GALNT13: variants seen among roughly 807,000 people sequenced by gnomAD.
GALNT13 encodes polypeptide N-acetylgalactosaminyltransferase 13, also known as UDP-GalNAc:polypeptide N-acetylgalactosaminyltransferase 13.
A neutral mutation model predicts 64.2 loss-of-function variants in GALNT13; 28 were observed. That is an observed-to-expected ratio of 0.44 (90% confidence interval 0.32 to 0.60). The LOEUF (loss-of-function observed/expected upper bound fraction) is 0.60, where lower values mean the gene tolerates loss of function less well. GALNT13 is among the 20% of genes least tolerant of loss of function. The pLI is 0.05. For synonymous variants in GALNT13, 214 were observed against 224.6 expected (o/e 0.95, Z 0.42); for missense variants, 577 against 669.8 (o/e 0.86, Z 1.53).
chr2:153,838,484 C>A, the GALNT13 span, among the ~76,000 whole-genome samples: 2 of 151,630 alleles, frequency 1.3e-5, no homozygotes, highest in Non-Finnish European at 3.0e-5. Flanking sequence ...TTGGGTATAT[C>A]CAGTTTTCCC....
At chr2:153,265,143 G>A in the GALNT13 span, among the ~76,000 whole-genome samples, 2 of 152,256 alleles carry the variant, frequency 1.3e-5, no homozygotes, top group East Asian at 3.9e-4. Flanking sequence ...TGAGGTTGGG[G>A]AAGGGGTGAT....
the GALNT13 span, among the ~76,000 whole-genome samples, chr2:153,490,246 T>C: frequency 6.6e-6 from 1 of 152,196 alleles, no homozygotes; most frequent in African/African-American, 2.4e-5. Flanking sequence ...TACTGGAAAA[T>C]TTTTTAAAAA....
chr2:154,332,693 G>A (rs921900099), intron 9 of GALNT13, among the ~76,000 whole-genome samples: 2 of 151,978 alleles, frequency 1.3e-5, no homozygotes, highest in African/African-American at 4.8e-5. Context: ...TTACAAACTT[G>A]CCAGTAGCTG....
intron 4 of GALNT13, among the ~76,000 whole-genome samples, chr2:154,190,051 T>A (rs1236268031): frequency 6.6e-6 from 1 of 152,330 alleles, no homozygotes; most frequent in African/African-American, 2.4e-5. Flanking sequence ...TTCTTGTGTG[T>A]GTTTTTCGTT....
At chr2:153,630,984 C>T in the GALNT13 span, among the ~76,000 whole-genome samples, 13 of 150,852 alleles carry the variant, frequency 8.6e-5, no homozygotes, top group East Asian at 4.0e-4. Flanking sequence ...CAACAGGCCC[C>T]GGTGTGCGAT....
At chr2:154,259,508 G>C (rs1333557316) in intron 8 of GALNT13, among the ~76,000 whole-genome samples, 1 of 152,106 alleles carries the variant, frequency 6.6e-6, no homozygotes, top group Non-Finnish European at 1.5e-5. Flanking sequence ...TGCAACTACT[G>C]CCTCAGGTTG....
chr2:153,539,529 T>A, the GALNT13 span, among the ~76,000 whole-genome samples: 64 of 152,166 alleles, frequency 4.2e-4, no homozygotes, highest in African/African-American at 1.5e-3. Flanking sequence ...GTTTTAGGTC[T>A]AACGTTTAAG....
chr2:154,385,384 C>CCAGGAA (rs1476734923), intron 9 of GALNT13, among the ~76,000 whole-genome samples: 17 of 151,888 alleles, frequency 1.1e-4, no homozygotes, highest in Non-Finnish European at 2.1e-4. Context: ...TGATAATTAC[C>CCAGGAA]ATGTTCTGTA....
At chr2:154,286,512 C>A (rs1404526757) in intron 8 of GALNT13, 2 of 155,146 alleles carry the variant, frequency 1.3e-5, no homozygotes, top group Non-Finnish European at 2.8e-5. Context: ...GGAAAAGATA[C>A]CCCTAAGTAG....
chr2:153,613,299 A>G, the GALNT13 span, among the ~76,000 whole-genome samples: 69 of 152,316 alleles, frequency 4.5e-4, no homozygotes, highest in Non-Finnish European at 1.2e-4. Flanking sequence ...TTGGCCTAGT[A>G]TATCAACAGG....
intron 4 of GALNT13, among the ~76,000 whole-genome samples, chr2:154,198,517 A>G (rs549963656): frequency 6.6e-6 from 1 of 151,914 alleles, no homozygotes; most frequent in African/African-American, 2.4e-5. Context: ...TTTTCCCCTT[A>G]TGGATGTGAC....
the GALNT13 span, among the ~76,000 whole-genome samples, chr2:153,429,480 T>C: frequency 6.6e-6 from 1 of 152,154 alleles, no homozygotes. Flanking sequence ...GACTGGCATG[T>C]GTGAAACATT....
chr2:153,632,352 T>C, the GALNT13 span, among the ~76,000 whole-genome samples: 11 of 152,324 alleles, frequency 7.2e-5, no homozygotes, highest in South Asian at 2.1e-3. Context: ...GTTGATAAAC[T>C]AATATTGATA....
chr2:154,104,327 A>G (rs1036564491), intron 3 of GALNT13, among the ~76,000 whole-genome samples: 2 of 152,134 alleles, frequency 1.3e-5, no homozygotes, highest in Non-Finnish European at 2.9e-5. Flanking sequence ...CTCCGATGCA[A>G]GGACACTTCT....
intron 3 of GALNT13, among the ~76,000 whole-genome samples, chr2:153,990,248 A>G (rs1695075738): frequency 6.6e-6 from 1 of 152,138 alleles, no homozygotes; most frequent in Non-Finnish European, 1.5e-5. Context: ...TCAGGCAGCT[A>G]TCATTTTAAA....
chr2:153,069,554 A>G, the GALNT13 span, among the ~76,000 whole-genome samples: 1 of 152,202 alleles, frequency 6.6e-6, no homozygotes, highest in Non-Finnish European at 1.5e-5. Context: ...CAGGAAGAGC[A>G]GCATTATTTT....
chr2:153,489,522 C>T, the GALNT13 span, among the ~76,000 whole-genome samples: 1 of 152,088 alleles, frequency 6.6e-6, no homozygotes, highest in Non-Finnish European at 1.5e-5. Flanking sequence ...GTTGGTGGGG[C>T]ATGTTTATTT....
the GALNT13 span, among the ~76,000 whole-genome samples, chr2:153,582,710 A>G: frequency 4.5e-3 from 679 of 152,254 alleles, 1 homozygote; most frequent in Non-Finnish European, 7.4e-3. Flanking sequence ...TAATTCACCC[A>G]CTATTATTCA....
At chr2:154,065,559 A>C (rs1700416028) in intron 3 of GALNT13, among the ~76,000 whole-genome samples, 1 of 152,154 alleles carries the variant, frequency 6.6e-6, no homozygotes, top group African/African-American at 2.4e-5. Context: ...GGAAGAGAAC[A>C]AGCATCTCTG....
Sources: allele counts gnomAD v4.1 joint callset (sites outside exome capture counted in the v4.1 genomes callset), GRCh38; gene constraint gnomAD v4.1.1; transcripts MANE v1.5; gene names NCBI Gene and HGNC (gene_info 2026-07-23, HGNC 2026-07-21).